The following TMEFF2 variants were observed in gnomAD, a reference collection of about 807,000 sequenced individuals.
TMEFF2 encodes tomoregulin-2.
Under a neutral mutation model 53.8 loss-of-function variants are expected in TMEFF2, and 28 were observed. The observed-to-expected ratio is 0.52, with a 90% CI of 0.39 to 0.71. The LOEUF is 0.71. Among genes scored for constraint, TMEFF2 ranks in the 30% least tolerant of loss-of-function variants. TMEFF2 has a pLI of 0.00. For missense variants in TMEFF2, 353 were observed against 455.2 expected (o/e 0.78, Z 2.04); for synonymous variants, 162 against 166.3 (o/e 0.97, Z 0.20).
chr2:192,049,519 G>A (rs754035438), intron 5 of TMEFF2, among the ~76,000 whole-genome samples: 11 of 152,054 alleles, frequency 7.2e-5, no homozygotes, highest in Admixed American at 2.0e-4. Flanking sequence ...CTGGGACATC[G>A]GAACATGGAG....
chr2:192,065,405 G>A (rs986053441), intron 4 of TMEFF2, among the ~76,000 whole-genome samples: 1 of 151,714 alleles, frequency 6.6e-6, no homozygotes, highest in Non-Finnish European at 1.5e-5. Context: ...AAACTAACAG[G>A]TTATGTTAAC....
At chr2:192,003,358 G>A (rs1314458373) in intron 5 of TMEFF2, among the ~76,000 whole-genome samples, 3 of 152,144 alleles carry the variant, frequency 2.0e-5, no homozygotes, top group Admixed American at 1.3e-4. Flanking sequence ...TACAAAGAAA[G>A]ACAGACCCAA....
At chr2:191,991,365 A>T (rs1249272649) in intron 7 of TMEFF2, among the ~76,000 whole-genome samples, 2 of 152,204 alleles carry the variant, frequency 1.3e-5, no homozygotes, top group Admixed American at 1.3e-4. Flanking sequence ...AATGTGCTCT[A>T]TTTCCCATAA....
intron 4 of TMEFF2, among the ~76,000 whole-genome samples, chr2:192,092,576 G>A (rs1278720188): frequency 6.6e-6 from 1 of 152,074 alleles, no homozygotes; most frequent in Non-Finnish European, 1.5e-5. Context: ...TCTCAAAGAT[G>A]GCCACATCCT....
rs55848067 is a variant in TMEFF2 at position 191,990,416 on chromosome 2, A to AGTGTGTGT, written c.745+7838_745+7845dup. Among the ~76,000 whole-genome samples the AGTGTGTGT allele has an allele frequency of 6.9e-3, 1,018 of 147,340 alleles. 12 individuals are homozygous for AGTGTGTGT. The highest frequency in any genetic ancestry group is 0.023 in the African/African-American group (924 of 40,104). ...AGCAGCAAATCAAAGTGCTCAGAAT[A>AGTGTGTGT]GTGTGTGTGTGTGTGTGTGTTGTTT... On this transcript the variant is annotated intron_variant, in intron 7 of 9. Transcript: ENST00000272771.
At chr2:192,040,253 G>C (rs940168047) in intron 5 of TMEFF2, among the ~76,000 whole-genome samples, 2 of 152,040 alleles carry the variant, frequency 1.3e-5, no homozygotes, top group African/African-American at 4.8e-5. Context: ...AATAGTAGCA[G>C]CTTCTCTTAG....
chr2:192,101,579 T>C (rs1689032491), intron 4 of TMEFF2, among the ~76,000 whole-genome samples: 1 of 152,252 alleles, frequency 6.6e-6, no homozygotes, highest in African/African-American at 2.4e-5. Context: ...GCTTGAATCC[T>C]ACTTTAGGTA....
chr2:192,072,109 A>G (rs542046486), intron 4 of TMEFF2, among the ~76,000 whole-genome samples: 75 of 152,066 alleles, frequency 4.9e-4, no homozygotes, highest in Non-Finnish European at 9.9e-4. Flanking sequence ...GAGAGGTGAG[A>G]GTAGAAGTAG....
intron 7 of TMEFF2, among the ~76,000 whole-genome samples, chr2:191,961,908 C>T (rs546648235): frequency 1.3e-4 from 20 of 152,230 alleles, no homozygotes; most frequent in South Asian, 6.2e-4. Flanking sequence ...AAGGCATATA[C>T]GAGTAGATGA....
chr2:192,024,720 T>C lies in TMEFF2; in HGVS notation c.537-25512A>G, dbSNP rs116804878. 4.1e-4 allele frequency among the ~76,000 whole-genome samples: 62 copies of C among 152,364 alleles called. 1 individual carries two copies. Among genetic ancestry groups the C allele is most frequent in the Non-Finnish European group, 6.9e-4 (47 of 68,032 alleles). On this transcript the variant is annotated intron_variant, in intron 5 of 9. Coordinates refer to ENST00000272771, the MANE Select transcript of TMEFF2 (RefSeq NM_016192.4). Reference sequence around the variant, plus strand: ...TTTTTTAAGCACTTTATTTGGAGTCTAGCCTCGGCTTTATTTATCAATCGT... The same window carrying C: ...TTTTTTAAGCACTTTATTTGGAGTCCAGCCTCGGCTTTATTTATCAATCGT...
intron 5 of TMEFF2, among the ~76,000 whole-genome samples, chr2:192,033,046 A>G (rs895660375): frequency 2.0e-5 from 3 of 152,184 alleles, no homozygotes; most frequent in Non-Finnish European, 4.4e-5. Flanking sequence ...AACCCAAACA[A>G]TTGGTTTGAT....
Position 191,949,065 on chromosome 2 carries a change from G to A in TMEFF2, c.*1246C>T, listed in dbSNP as rs1691786122. On this transcript the variant is annotated 3_prime_UTR_variant, in exon 10 of 10. Coordinates refer to ENST00000272771, the MANE Select transcript of TMEFF2 (RefSeq NM_016192.4). ...AGGTTATTTGAAGGAGACAAAGAGA[G>A]CTTTATTTAAATTTACTGTGTTAGC... is the stretch of plus-strand genomic sequence containing the variant. 1 of 984,440 alleles carries A rather than the reference G, an allele frequency of 1.0e-6. No homozygotes were observed. The highest frequency in any genetic ancestry group is 4.7e-5 in the South Asian group (1 of 21,266). 61.0% of individuals were successfully genotyped at this position (984,440 alleles called of 1,614,324 possible).
intron 4 of TMEFF2, among the ~76,000 whole-genome samples, chr2:192,093,778 C>T (rs1228890782): frequency 2.0e-5 from 3 of 149,554 alleles, no homozygotes; most frequent in African/African-American, 4.9e-5. Flanking sequence ...TTTGTGATTA[C>T]GTTTAAACCT....
intron 4 of TMEFF2, among the ~76,000 whole-genome samples, chr2:192,160,392 G>A (rs755333501): frequency 3.3e-5 from 5 of 152,080 alleles, no homozygotes; most frequent in Non-Finnish European, 5.9e-5. Flanking sequence ...AAGAATTGTC[G>A]AAGAATCCAT....
In TMEFF2 at chr2:192,044,375, G is replaced by C. The variant is rs1687560047; in HGVS notation, c.536+13304C>G. On this transcript the variant is annotated intron_variant, in intron 5 of 9. Coordinates refer to ENST00000272771, the MANE Select transcript of TMEFF2 (RefSeq NM_016192.4). ...TGAAATTTCTAGGGGTCAGTATGTGGAGCATGTGAGATATTACTTCTAAGG... is the reference window on the plus strand; with the variant it reads ...TGAAATTTCTAGGGGTCAGTATGTGCAGCATGTGAGATATTACTTCTAAGG... 1.3e-5 allele frequency: 2 copies of C among 152,140 alleles called. 1 individual carries two copies. Among genetic ancestry groups the C allele is most frequent in the African/African-American group, 4.8e-5 (2 of 41,434 alleles). The allele number at this position is 152,140 out of a possible 1,614,324, so 9.4% of individuals were successfully genotyped here.
rs552471154 is a variant in TMEFF2, at chr2:192,013,173, T to A, written c.537-13965A>T. ...TAAAACTTGTAGTCCTTACCGTGGT[T>A]CATGAGGCCCTGTGTGATCCGGCTC... On this transcript the variant is annotated intron_variant, in intron 5 of 9. Transcript: ENST00000272771. Among the ~76,000 whole-genome samples, 3 of 152,298 alleles carry A rather than the reference T, an allele frequency of 2.0e-5. No homozygotes were observed. The East Asian group carries it at 5.8e-4, about 29-fold the overall frequency.
chr2:191,974,245 A>G (rs1241177344), intron 7 of TMEFF2, among the ~76,000 whole-genome samples: 1 of 152,160 alleles, frequency 6.6e-6, no homozygotes, highest in Non-Finnish European at 1.5e-5. Context: ...TGAAAGCTAT[A>G]GATAATTGAG....
chr2:192,093,198 G>A (rs1290263633), intron 4 of TMEFF2, among the ~76,000 whole-genome samples: 2 of 152,134 alleles, frequency 1.3e-5, no homozygotes, highest in African/African-American at 4.8e-5. Flanking sequence ...ATCTCTTGCA[G>A]CTCACATTTT....
At chr2:192,173,250 A>G (rs115715256) in intron 4 of TMEFF2, among the ~76,000 whole-genome samples, 2,835 of 151,974 alleles carry the variant, frequency 0.019, 105 homozygotes, top group African/African-American at 0.065. Context: ...CATTATATGT[A>G]CTTACAAATA....
Sources: allele counts gnomAD v4.1 joint callset (sites outside exome capture counted in the v4.1 genomes callset), GRCh38; gene constraint gnomAD v4.1.1; transcripts MANE v1.5; gene names NCBI Gene and HGNC (gene_info 2026-07-23, HGNC 2026-07-21).